The following ATRNL1 variants were observed in gnomAD, a reference collection of about 807,000 sequenced individuals.
The protein encoded by ATRNL1 is attractin like 1.
ATRNL1 carries 95 observed loss-of-function variants against 182.7 expected under a neutral mutation model. The ratio of observed to expected loss-of-function variants is 0.52; its 90% CI spans 0.44 to 0.62. The LOEUF is 0.62. Among genes scored for constraint, ATRNL1 ranks in the 20% least tolerant of loss-of-function variants. The pLI, the probability that ATRNL1 is intolerant of heterozygous loss-of-function variation, is 0.00. For missense variants in ATRNL1, 1,471 were observed against 1,679.5 expected, an observed-to-expected ratio of 0.88 and a Z score of 2.17; for synonymous variants, 576 against 568.3, an observed-to-expected ratio of 1.01 and a Z score of -0.19.
chr10:115,142,424 A>T (rs1845789939), intron 5 of ATRNL1, among the ~76,000 whole-genome samples: 1 of 150,614 alleles, frequency 6.6e-6, no homozygotes, highest in Non-Finnish European at 1.5e-5. Flanking sequence ...GATTAGTCAG[A>T]TATGAACTTA....
chr10:115,238,825 T>C (rs1850291274), intron 9 of ATRNL1, among the ~76,000 whole-genome samples: 1 of 152,182 alleles, frequency 6.6e-6, no homozygotes, highest in African/African-American at 2.4e-5. Context: ...CCTTATTCCT[T>C]TTCTTGGAAG....
At chr10:115,886,601 A>G (rs1321462263) in intron 28 of ATRNL1, among the ~76,000 whole-genome samples, 2 of 152,180 alleles carry the variant, frequency 1.3e-5, no homozygotes, top group African/African-American at 4.8e-5. Context: ...TAAGTATTGT[A>G]TTTAATTTGT....
At chr10:115,349,376 G>C (rs1554940617) in intron 19 of ATRNL1, among the ~76,000 whole-genome samples, 1 of 152,140 alleles carries the variant, frequency 6.6e-6, no homozygotes, top group Admixed American at 6.6e-5. Flanking sequence ...GGACACCTAG[G>C]TGGATTCCAA....
At chr10:115,153,490 T>C (rs1554881236) in intron 5 of ATRNL1, among the ~76,000 whole-genome samples, 1 of 152,202 alleles carries the variant, frequency 6.6e-6, no homozygotes, top group East Asian at 1.9e-4. Context: ...TTTTCTAGTT[T>C]ATTTGCGTAG....
At chr10:115,570,493 T>A (rs140230152) in intron 26 of ATRNL1, among the ~76,000 whole-genome samples, 1 of 152,224 alleles carries the variant, frequency 6.6e-6, no homozygotes, top group Non-Finnish European at 1.5e-5. Flanking sequence ...ATTTGAGTCA[T>A]AGGTAGAAAG....
intron 7 of ATRNL1, 93 bp downstream of exon 7, chr10:115,165,738 A>T: frequency 1.7e-6 from 1 of 575,638 alleles, no homozygotes; most frequent in South Asian, 3.9e-5. Flanking sequence ...TATTTCAAAT[A>T]TTTAATGAGA....
intron 25 of ATRNL1, among the ~76,000 whole-genome samples, chr10:115,531,245 C>T (rs2133746725): frequency 6.6e-6 from 1 of 152,166 alleles, no homozygotes; most frequent in South Asian, 2.1e-4. Flanking sequence ...GTCCCACCAA[C>T]AGTGTAAAAG....
intron 26 of ATRNL1, among the ~76,000 whole-genome samples, chr10:115,673,992 A>G (rs1260375932): frequency 6.6e-6 from 1 of 152,082 alleles, no homozygotes; most frequent in Non-Finnish European, 1.5e-5. Context: ...AGCCAGCACT[A>G]CACTTAATAC....
At chr10:115,352,443 G>A (rs1260777202) in intron 19 of ATRNL1, among the ~76,000 whole-genome samples, 3 of 151,708 alleles carry the variant, frequency 2.0e-5, no homozygotes, top group Non-Finnish European at 2.9e-5. Flanking sequence ...TGTTTTTGTG[G>A]TGTCCCATAG....
intron 10 of ATRNL1, among the ~76,000 whole-genome samples, chr10:115,263,342 CAG>C (rs1443091866): frequency 1.3e-5 from 2 of 151,590 alleles, no homozygotes; most frequent in African/African-American, 4.8e-5. Context: ...GATAAAAAAA[CAG>C]AAGATAACAA....
At chr10:115,324,061 G>A (rs1854739856) in intron 18 of ATRNL1, among the ~76,000 whole-genome samples, 1 of 152,216 alleles carries the variant, frequency 6.6e-6, no homozygotes, top group Non-Finnish European at 1.5e-5. Context: ...ACAGGTGTGA[G>A]CCACCGCGTC....
chr10:115,249,563 A>C (rs976050479), intron 10 of ATRNL1, among the ~76,000 whole-genome samples: 2 of 152,134 alleles, frequency 1.3e-5, no homozygotes, highest in Non-Finnish European at 2.9e-5. Context: ...TTTGGGTTTG[A>C]GAGAACAGTA....
At chr10:115,211,285 C>A (rs1395306982) in intron 8 of ATRNL1, among the ~76,000 whole-genome samples, 1 of 150,216 alleles carries the variant, frequency 6.7e-6, no homozygotes, top group Non-Finnish European at 1.5e-5. Context: ...CCTCTTAATT[C>A]CTGAAGGATA....
Position 115,466,456 on chromosome 10 carries a change from A to G in ATRNL1, c.3418-718A>G, listed in dbSNP as rs144936112. Among the ~76,000 whole-genome samples the G allele has an allele frequency of 5.8e-3, 871 of 151,426 alleles. 4 individuals carry two copies. Among genetic ancestry groups the G allele is most frequent in the African/African-American group, 0.019 (783 of 41,474 alleles). On this transcript the variant is annotated intron_variant, in intron 22 of 28. Transcript: ENST00000355044. The stretch of plus-strand genomic sequence containing the variant: ...CACAGGAACAAATAGTTGTAAATAT[A>G]CCTACTTTCTGCTTCTTACGTCTTG...
chr10:115,504,692 T>G (rs1850017883), intron 24 of ATRNL1, among the ~76,000 whole-genome samples: 1 of 152,126 alleles, frequency 6.6e-6, no homozygotes, highest in Admixed American at 6.6e-5. Flanking sequence ...ATTTTAAAGC[T>G]GGCTTATTTA....
At chr10:115,940,900 C>T (rs1017547673) in intron 28 of ATRNL1, among the ~76,000 whole-genome samples, 1 of 152,236 alleles carries the variant, frequency 6.6e-6, no homozygotes, top group East Asian at 1.9e-4. Context: ...ATTTAAGGCA[C>T]ACACACATAT....
chr10:115,731,477 C>G (rs981100598), intron 27 of ATRNL1, among the ~76,000 whole-genome samples: 1 of 151,874 alleles, frequency 6.6e-6, no homozygotes, highest in African/African-American at 2.4e-5. Context: ...AACTAGCATG[C>G]CTCTATTTCT....
At chr10:115,579,198 A>G (rs1854916604) in intron 26 of ATRNL1, among the ~76,000 whole-genome samples, 1 of 151,762 alleles carries the variant, frequency 6.6e-6, no homozygotes, top group African/African-American at 2.4e-5. Context: ...AATGTTCTAT[A>G]TATGTTGATT....
At chr10:115,173,311 A>AT (rs779062966) in intron 8 of ATRNL1, among the ~76,000 whole-genome samples, 36 of 151,716 alleles carry the variant, frequency 2.4e-4, no homozygotes, top group Non-Finnish European at 4.4e-4. Flanking sequence ...TTTGTTATTA[A>AT]TTTTTGGTTT....
Sources: gnomAD v4.1 joint callset for allele counts (sites outside exome capture counted in the v4.1 genomes callset) on GRCh38, gnomAD v4.1.1 for gene constraint, MANE v1.5 for transcripts, NCBI Gene and HGNC (gene_info 2026-07-23, HGNC 2026-07-21) for gene names.